Variants in SELENOF observed in about 807,000 individuals in gnomAD.
SELENOF encodes the protein selenoprotein F, also known as 15 kDa selenoprotein.
SELENOF carries 16 observed loss-of-function variants against 20.5 expected under a neutral mutation model. The ratio of observed to expected loss-of-function variants is 0.78; its 90% CI spans 0.53 to 1.19. The LOEUF (loss-of-function observed/expected upper bound fraction) is 1.19, where lower values mean the gene tolerates loss of function less well. Among genes scored for constraint, SELENOF ranks in the 50% most tolerant of loss-of-function variants. The pLI, the probability that SELENOF is intolerant of heterozygous loss-of-function variation, is 0.00. For missense variants in SELENOF, 215 were observed against 194.2 expected (o/e 1.11, Z -0.64); for synonymous variants, 78 against 74.5 (o/e 1.05, Z -0.24).
intron 2 of SELENOF, among the ~76,000 whole-genome samples, chr1:86,888,658 G>C (rs1357118736): frequency 6.6e-6 from 1 of 152,190 alleles, no homozygotes; most frequent in Non-Finnish European, 1.5e-5. Context: ...GAATAGTTAT[G>C]ATCAACATAT....
chr1:86,880,853 T>C (rs1659050040), intron 2 of SELENOF, 128 bp from the exon 3 acceptor site: 1 of 556,574 alleles, frequency 1.8e-6, no homozygotes. Context: ...ATGTCAAAGC[T>C]GGTTAGCCAG....
At position 86,913,967 on chromosome 1, in the gene SELENOF, T is replaced by C. The variant is rs1433009487; in HGVS notation, c.84+61A>G. 21 of 1,486,152 alleles carry C rather than the reference T, an allele frequency of 1.4e-5. No homozygotes were observed. In the Middle Eastern group the frequency reaches 5.1e-4, roughly 36 times the overall value. The allele number at this position is 1,486,152 out of a possible 1,614,324, so 92.1% of individuals were successfully genotyped here. A position where few individuals can be genotyped will look rare whatever the true frequency, so the allele number is the denominator to read the frequency against. ...TTCAACCAGGACCGAATGTTGCGTCTTTCTCAGCTGCAATCACTCCTACTC... is the reference window on the plus strand; with the variant it reads ...TTCAACCAGGACCGAATGTTGCGTCCTTCTCAGCTGCAATCACTCCTACTC... On this transcript the variant is annotated intron_variant, in intron 1 of 4. Transcript: ENST00000331835.
At position 86,913,905 on chromosome 1, in the gene SELENOF, C is replaced by T. The variant is rs185244241; in HGVS notation, c.84+123G>A. The T allele has an allele frequency of 1.3e-3, 1,166 of 877,794 alleles. 17 individuals are homozygous for T. The Admixed American group carries it at 0.019, about 15-fold the overall frequency. The allele number at this position is 877,794 out of a possible 1,614,324, so 54.4% of individuals were successfully genotyped here. On this transcript the variant is annotated intron_variant, in intron 1 of 4. Coordinates refer to ENST00000331835, the MANE Select transcript of SELENOF (RefSeq NM_004261.5). ...ATTAAGCCACGTTGCATTCTGGCCG[C>T]AGCAGTCATTAAGGAAGCGCAGTCC... is the stretch of plus-strand genomic sequence containing the variant.
At chr1:86,881,074 G>A (rs546485943) in intron 2 of SELENOF, among the ~76,000 whole-genome samples, 2 of 152,112 alleles carry the variant, frequency 1.3e-5, no homozygotes, top group African/African-American at 4.8e-5. Flanking sequence ...TTTTTAGGGT[G>A]ATAAACTGAA....
At chr1:86,905,502 G>A (rs1387062188) in intron 1 of SELENOF, among the ~76,000 whole-genome samples, 1 of 152,122 alleles carries the variant, frequency 6.6e-6, no homozygotes, top group East Asian at 1.9e-4. Flanking sequence ...ATTAGCCAGA[G>A]TACTTTTCTT....
intron 2 of SELENOF, among the ~76,000 whole-genome samples, chr1:86,884,884 C>T (rs145199706): frequency 5.1e-4 from 77 of 152,220 alleles, no homozygotes; most frequent in African/African-American, 1.8e-3. Context: ...AATATGAGAA[C>T]GATACACAAA....
At chr1:86,888,131 G>A (rs1557462825) in intron 2 of SELENOF, among the ~76,000 whole-genome samples, 1 of 151,864 alleles carries the variant, frequency 6.6e-6, no homozygotes, top group Non-Finnish European at 1.5e-5. Flanking sequence ...ATGATGGCGG[G>A]TGCCTGTAAT....
In SELENOF at chr1:86,862,840, C is replaced by T. The variant is rs1221182563; in HGVS notation, c.*634G>A. 1 of 152,504 alleles carries T rather than the reference C, an allele frequency of 6.6e-6. No individual in the cohort carries two copies. Among genetic ancestry groups the T allele is most frequent in the Non-Finnish European group, 1.5e-5 (1 of 68,036 alleles). 9.4% of individuals were successfully genotyped at this position (152,504 alleles called of 1,614,324 possible). ...AAGTATGTATCTGATCCACACAAATCCCTAGAAAGGTTTTCTGTGTAGTCT... is the reference window on the plus strand; with the variant it reads ...AAGTATGTATCTGATCCACACAAATTCCTAGAAAGGTTTTCTGTGTAGTCT... On this transcript the variant is annotated 3_prime_UTR_variant, in exon 5 of 5. Coordinates refer to ENST00000331835, the MANE Select transcript of SELENOF (RefSeq NM_004261.5).
chr1:86,901,167 A>G (rs888436244), intron 2 of SELENOF, among the ~76,000 whole-genome samples: 1 of 152,222 alleles, frequency 6.6e-6, no homozygotes, highest in South Asian at 2.1e-4. Context: ...ATTGACAACT[A>G]AATTAAACTG....
chr1:86,867,100 T>C (rs1027471752), intron 4 of SELENOF, among the ~76,000 whole-genome samples: 1 of 152,170 alleles, frequency 6.6e-6, no homozygotes, highest in African/African-American at 2.4e-5. Context: ...ACGAGTAATA[T>C]TCAGTAATAA....
At chr1:86,896,167 T>C (rs2102113205) in intron 2 of SELENOF, among the ~76,000 whole-genome samples, 1 of 150,640 alleles carries the variant, frequency 6.6e-6, no homozygotes, top group Admixed American at 6.6e-5. Context: ...GAGAATTGCT[T>C]GAACCTGGGA....
intron 4 of SELENOF, among the ~76,000 whole-genome samples, chr1:86,866,031 T>C (rs1381563841): frequency 6.6e-6 from 1 of 151,196 alleles, no homozygotes; most frequent in East Asian, 1.9e-4. Context: ...CCTATCTCTA[T>C]AAAAAAATAA....
chr1:86,895,491 C>T (rs967577056), intron 2 of SELENOF, among the ~76,000 whole-genome samples: 2 of 152,176 alleles, frequency 1.3e-5, no homozygotes, highest in African/African-American at 2.4e-5. Context: ...CTCATAATCA[C>T]CCTATGAGAC....
chr1:86,909,766 G>A (rs999704037), intron 1 of SELENOF, among the ~76,000 whole-genome samples: 1 of 152,132 alleles, frequency 6.6e-6, no homozygotes, highest in African/African-American at 2.4e-5. Context: ...AGCACCTTGG[G>A]AGGCTGAGGC....
At chr1:86,867,869 G>A (rs937759816) in intron 4 of SELENOF, among the ~76,000 whole-genome samples, 184 bp downstream of exon 4, 3 of 151,594 alleles carry the variant, frequency 2.0e-5, no homozygotes, top group East Asian at 1.9e-4. Flanking sequence ...AAACCTAAAA[G>A]TGCTCTAAAA....
At chr1:86,875,468 A>T (rs934983397) in intron 3 of SELENOF, among the ~76,000 whole-genome samples, 7 of 152,212 alleles carry the variant, frequency 4.6e-5, no homozygotes, top group African/African-American at 1.7e-4. Context: ...CTGTAAATTC[A>T]TCAAGGGCAT....
At chr1:86,901,579 G>A (rs1049237489) in intron 2 of SELENOF, among the ~76,000 whole-genome samples, 2 of 152,158 alleles carry the variant, frequency 1.3e-5, no homozygotes, top group Non-Finnish European at 2.9e-5. Context: ...ACTTAGATAC[G>A]ATAATCACTC....
chr1:86,876,078 TGAA>T, intron 3 of SELENOF, among the ~76,000 whole-genome samples: 1 of 151,482 alleles, frequency 6.6e-6, no homozygotes, highest in South Asian at 2.1e-4. Flanking sequence ...GTTGTTGTGT[TGAA>T]GAGGTAATGA....
At chr1:86,887,753 G>A (rs1368990968) in intron 2 of SELENOF, among the ~76,000 whole-genome samples, 1 of 151,928 alleles carries the variant, frequency 6.6e-6, no homozygotes, top group African/African-American at 2.4e-5. Context: ...GTAATGATGA[G>A]ACTCTCATTA....
Sources: gnomAD v4.1 joint callset for allele counts (sites outside exome capture counted in the v4.1 genomes callset) on GRCh38, gnomAD v4.1.1 for gene constraint, MANE v1.5 for transcripts, NCBI Gene and HGNC (gene_info 2026-07-23, HGNC 2026-07-21) for gene names.